INSR: variants seen among roughly 807,000 people sequenced by gnomAD.
The protein encoded by INSR is IR.
INSR carries 67 observed loss-of-function variants against 142.6 expected under a neutral mutation model. The observed-to-expected ratio is 0.47, with a 90% CI of 0.39 to 0.58. The LOEUF is 0.58. INSR is among the 20% of genes least tolerant of loss of function. INSR has a pLI of 0.00. For missense variants in INSR, 1,248 were observed against 1,833.2 expected (o/e 0.68, Z 5.83); for synonymous variants, 756 against 743.1 (o/e 1.02, Z -0.28).
chr19:7,135,304 CTTTTTTTTTTTTTT>C (rs34080394), intron 13 of INSR, among the ~76,000 whole-genome samples: 5 of 60,034 alleles, frequency 8.3e-5, no homozygotes, highest in Admixed American at 4.2e-4. Flanking sequence ...AATGCATCTT[CTTTTTTTTTTTTTT>C]TTTTTTTTTT....
At chr19:7,162,433 C>A (rs1973777284) in intron 9 of INSR, among the ~76,000 whole-genome samples, 1 of 151,262 alleles carries the variant, frequency 6.6e-6, no homozygotes, top group African/African-American at 2.4e-5. Flanking sequence ...ATTGCTTGAG[C>A]CTGGGAGGTG....
rs929644617 is a variant in INSR at position 7,192,848 on chromosome 19, A to C, written c.653-8211T>G. 5.4e-4 allele frequency among the ~76,000 whole-genome samples: 82 copies of C among 152,162 alleles called. No individual in the cohort carries two copies. The highest frequency in any genetic ancestry group is 8.8e-5 in the Non-Finnish European group (6 of 68,034). ...ACAGAAGCAACTATCATCTTCCTGA[A>C]ACTTTCAGCTGCGGTGGCTTTTTCA... On this transcript the variant is annotated intron_variant, in intron 2 of 21. Coordinates refer to ENST00000302850, the MANE Select transcript of INSR (RefSeq NM_000208.4). The surrounding 1 kb of genome is among the most constrained non-coding windows in gnomAD (Gnocchi z 4.2).
At chr19:7,273,304 TA>T (rs1417247849) in intron 1 of INSR, among the ~76,000 whole-genome samples, 1 of 152,148 alleles carries the variant, frequency 6.6e-6, no homozygotes, top group African/African-American at 2.4e-5. Flanking sequence ...TAGAGCAGTT[TA>T]CCACTGGGAC....
chr19:7,163,830 C>T (rs542570245), intron 8 of INSR, among the ~76,000 whole-genome samples: 3 of 148,394 alleles, frequency 2.0e-5, no homozygotes, highest in African/African-American at 7.4e-5. Context: ...GTAATCCCAG[C>T]ACTTTAGAAG....
intron 17 of INSR, among the ~76,000 whole-genome samples, chr19:7,124,859 G>T (rs904623510): frequency 6.6e-6 from 1 of 151,212 alleles, no homozygotes; most frequent in Admixed American, 6.6e-5. Context: ...AGGAACGAGG[G>T]CAGGTGGTAT....
At chr19:7,280,898 C>CA (rs1049883665) in intron 1 of INSR, among the ~76,000 whole-genome samples, 12 of 148,908 alleles carry the variant, frequency 8.1e-5, no homozygotes, top group African/African-American at 2.0e-4. Context: ...ACTCGATCTC[C>CA]AAAAAAAAAG....
chr19:7,260,273 T>C (rs1305992323), intron 2 of INSR, among the ~76,000 whole-genome samples: 2 of 152,102 alleles, frequency 1.3e-5, no homozygotes, highest in African/African-American at 4.8e-5. Context: ...CCGACGTCCA[T>C]ATGTGGCATC....
intron 2 of INSR, among the ~76,000 whole-genome samples, chr19:7,199,160 C>G (rs1974878058): frequency 6.6e-6 from 1 of 152,120 alleles, no homozygotes; most frequent in Non-Finnish European, 1.5e-5. Flanking sequence ...GGATTACAGG[C>G]ATGAATACAC....
chr19:7,252,792 A>T (rs1600095621), intron 2 of INSR, among the ~76,000 whole-genome samples: 1 of 152,116 alleles, frequency 6.6e-6, no homozygotes, highest in Admixed American at 6.5e-5. Context: ...CTCGCCTGGG[A>T]CAAAACGAGA....
chr19:7,178,032 A>G (rs912875980), intron 3 of INSR, among the ~76,000 whole-genome samples: 1 of 151,970 alleles, frequency 6.6e-6, no homozygotes, highest in African/African-American at 2.4e-5. Context: ...TACAAGGGTC[A>G]TTTTTTATTG....
In INSR at chr19:7,184,313, C is replaced by A; in HGVS notation, c.974+3G>T. 6.2e-7 allele frequency: 1 copy of A among 1,613,394 alleles called. No individual in the cohort carries two copies. The highest frequency in any genetic ancestry group is 1.1e-5 in the South Asian group (1 of 91,004). On this transcript the variant is annotated splice_donor_region_variant and intron_variant, in intron 3 of 21. Coordinates refer to ENST00000302850, the MANE Select transcript of INSR (RefSeq NM_000208.4). ...GCCCCCCAGACCCACATCCAGAACT[C>A]ACTTGCTGGAATTCATCGTGTACCC...
chr19:7,212,714 T>A (rs1975312895), intron 2 of INSR, among the ~76,000 whole-genome samples: 1 of 152,010 alleles, frequency 6.6e-6, no homozygotes, highest in African/African-American at 2.4e-5. Context: ...GCCTCCCAAG[T>A]AGTTGGGACT....
chr19:7,144,033 C>G (rs906190083), intron 11 of INSR, among the ~76,000 whole-genome samples: 78 of 147,494 alleles, frequency 5.3e-4, no homozygotes, highest in Non-Finnish European at 1.0e-4. Context: ...CCAGCCTGGG[C>G]GACAGAGTGA....
At chr19:7,289,272 G>T (rs1435796237) in intron 1 of INSR, among the ~76,000 whole-genome samples, 1 of 152,072 alleles carries the variant, frequency 6.6e-6, no homozygotes, top group African/African-American at 2.4e-5. Flanking sequence ...GATGGAAAGG[G>T]CAGGGAGGAC....
chr19:7,232,550 G>C (rs867793261), intron 2 of INSR, among the ~76,000 whole-genome samples: 3 of 152,230 alleles, frequency 2.0e-5, no homozygotes, highest in African/African-American at 4.8e-5. Context: ...CCAGTGGCTC[G>C]CACCTGTAAT....
chr19:7,217,686 A>C (rs928309817), intron 2 of INSR, among the ~76,000 whole-genome samples: 49 of 152,080 alleles, frequency 3.2e-4, no homozygotes, highest in African/African-American at 1.1e-3. Flanking sequence ...CAGCCTCCCA[A>C]GTAGGTGGGA....
chr19:7,168,186 G>T lies in INSR; in HGVS notation c.1484-92C>A. On this transcript the variant is annotated intron_variant, in intron 6 of 21. Transcript: ENST00000302850. The surrounding 1 kb of genome is among the most constrained non-coding windows in gnomAD (Gnocchi z 4.3). ...CCCCCACACTTCCTGGAGGGACCGTGAGAAGGCAGAGGTGACGCTGCTATT... is the reference window on the plus strand; with the variant it reads ...CCCCCACACTTCCTGGAGGGACCGTTAGAAGGCAGAGGTGACGCTGCTATT... The T allele has an allele frequency of 7.6e-7, 1 of 1,314,238 alleles. No individual in the cohort carries two copies. The highest frequency in any genetic ancestry group is 1.1e-6 in the Non-Finnish European group (1 of 916,368). The allele number at this position is 1,314,238 out of a possible 1,614,324, so 81.4% of individuals were successfully genotyped here.
intron 2 of INSR, among the ~76,000 whole-genome samples, chr19:7,250,713 ACAC>A (rs1008939046): frequency 6.6e-6 from 1 of 152,112 alleles, no homozygotes; most frequent in Non-Finnish European, 1.5e-5. Context: ...ATCAAAGAAC[ACAC>A]CACCACTCAG....
chr19:7,220,445 C>T (rs926536827), intron 2 of INSR, among the ~76,000 whole-genome samples: 5 of 152,178 alleles, frequency 3.3e-5, no homozygotes, highest in East Asian at 3.8e-4. Flanking sequence ...CGCGCCACCA[C>T]GCCTGGCTAA....
Sources: allele counts gnomAD v4.1 joint callset (sites outside exome capture counted in the v4.1 genomes callset), GRCh38; gene constraint gnomAD v4.1.1; non-coding constraint Gnocchi (gnomAD v3.1); transcripts MANE v1.5; gene names NCBI Gene and HGNC (gene_info 2026-07-23, HGNC 2026-07-21).